ADARB1: variants seen among roughly 807,000 people sequenced by gnomAD.
ADARB1 encodes adenosine deaminase RNA specific B1.
A neutral mutation model predicts 52.4 loss-of-function variants in ADARB1; 10 were observed. The observed-to-expected ratio is 0.19, with a 90% CI of 0.12 to 0.32. ADARB1 has a LOEUF of 0.32. ADARB1 is among the 10% of genes least tolerant of loss of function. The pLI is 1.00. For synonymous variants in ADARB1, 349 were observed against 371.1 expected, an observed-to-expected ratio of 0.94 and a Z score of 0.68; for missense variants, 643 against 922.3, an observed-to-expected ratio of 0.70 and a Z score of 3.92.
intron 7 of ADARB1, 138 bp downstream of exon 7, chr21:45,183,648 A>G (rs532448647): frequency 9.8e-7 from 1 of 1,016,566 alleles, no homozygotes; most frequent in East Asian, 3.0e-5. Flanking sequence ...AGTCTCTATA[A>G]AAGCATGGAT....
intron 9 of ADARB1, among the ~76,000 whole-genome samples, chr21:45,212,898 G>A (rs1001796803): frequency 6.6e-6 from 1 of 152,214 alleles, no homozygotes; most frequent in Non-Finnish European, 1.5e-5. Context: ...AATCTTATTA[G>A]TATGTTATTT....
chr21:45,155,000 G>A (rs2090480961), intron 2 of ADARB1, among the ~76,000 whole-genome samples: 1 of 152,234 alleles, frequency 6.6e-6, no homozygotes, highest in Non-Finnish European at 1.5e-5. Flanking sequence ...CAAAGAGGCA[G>A]TCCTTCAGTC....
intron 9 of ADARB1, among the ~76,000 whole-genome samples, chr21:45,213,203 A>G (rs2092802849): frequency 1.3e-5 from 2 of 152,206 alleles, no homozygotes; most frequent in African/African-American, 4.8e-5. Context: ...TTAAAGCTTC[A>G]TATCTGATTC....
chr21:45,145,428 A>C (rs1348046497), intron 2 of ADARB1: 1 of 152,234 alleles, frequency 6.6e-6, no homozygotes, highest in Non-Finnish European at 1.5e-5. Context: ...CCTGGGCTGT[A>C]GGAGAGATCA....
chr21:45,162,542 G>C (rs2091027578), intron 2 of ADARB1, among the ~76,000 whole-genome samples: 1 of 152,176 alleles, frequency 6.6e-6, no homozygotes, highest in Non-Finnish European at 1.5e-5. Context: ...CAGTGATGGA[G>C]GTTTCTGGCC....
At chr21:45,218,256 A>C (rs1489691334) in intron 9 of ADARB1, among the ~76,000 whole-genome samples, 2 of 151,510 alleles carry the variant, frequency 1.3e-5, no homozygotes, top group Non-Finnish European at 2.9e-5. Flanking sequence ...TTTGTGTTTC[A>C]TTTTTGGTAG....
At chr21:45,131,760 C>A (rs1344564248) in intron 2 of ADARB1, among the ~76,000 whole-genome samples, 1 of 152,248 alleles carries the variant, frequency 6.6e-6, no homozygotes, top group East Asian at 1.9e-4. Flanking sequence ...TCTTTAGGGG[C>A]TGGCACTTTT....
chr21:45,108,396 A>G lies in ADARB1; in HGVS notation c.-219-20006A>G, dbSNP rs1033355862. 7.9e-5 allele frequency among the ~76,000 whole-genome samples: 12 copies of G among 152,358 alleles called. No homozygotes were observed. The East Asian group carries it at 1.9e-3, about 24-fold the overall frequency. ...GAAATGGTGTATTAAATAAAGGTGAAGAGGCAGTTGCCTTTTCAGCTTAAA... is the reference window on the plus strand; with the variant it reads ...GAAATGGTGTATTAAATAAAGGTGAGGAGGCAGTTGCCTTTTCAGCTTAAA... On this transcript the variant is annotated intron_variant, in intron 1 of 10. Transcript: ENST00000348831.
chr21:45,132,939 G>C (rs1363255561), intron 2 of ADARB1, among the ~76,000 whole-genome samples: 1 of 152,182 alleles, frequency 6.6e-6, no homozygotes, highest in Non-Finnish European at 1.5e-5. Context: ...CACCATAAAA[G>C]AAAATACCGA....
intron 9 of ADARB1, among the ~76,000 whole-genome samples, chr21:45,210,031 C>T (rs2092736299): frequency 6.6e-6 from 1 of 152,218 alleles, no homozygotes; most frequent in Non-Finnish European, 1.5e-5. Context: ...TCCCCGGGAG[C>T]TCATGCCTGG....
In ADARB1 at chr21:45,117,601, C is replaced by T. The variant is rs183862521; in HGVS notation, c.-219-10801C>T. ...AAAAAAAAAAAGCTTCTTTAAAATTCTGACTTTATATAACTAACGCAATGC... is the reference window on the plus strand; with the variant it reads ...AAAAAAAAAAAGCTTCTTTAAAATTTTGACTTTATATAACTAACGCAATGC... On this transcript the variant is annotated intron_variant, in intron 1 of 10. Coordinates refer to ENST00000348831, the MANE Select transcript of ADARB1 (RefSeq NM_001112.4). Among the ~76,000 whole-genome samples the T allele has an allele frequency of 4.0e-3, 609 of 151,560 alleles. 3 individuals are homozygous for T. The highest frequency in any genetic ancestry group is 0.014 in the African/African-American group (566 of 41,332).
chr21:45,133,671 T>C (rs1199289011), intron 2 of ADARB1: 1 of 283,576 alleles, frequency 3.5e-6, no homozygotes, highest in Non-Finnish European at 6.9e-6. Context: ...GACAGGTGTG[T>C]ACCTGAAAGA....
chr21:45,187,407 T>C (rs918338969), intron 8 of ADARB1, among the ~76,000 whole-genome samples: 2 of 152,234 alleles, frequency 1.3e-5, no homozygotes, highest in Non-Finnish European at 2.9e-5. Context: ...TAAACAGTTT[T>C]ATGGAATCTT....
chr21:45,155,390 C>G (rs2090503217), intron 2 of ADARB1, among the ~76,000 whole-genome samples: 1 of 152,104 alleles, frequency 6.6e-6, no homozygotes, highest in Non-Finnish European at 1.5e-5. Context: ...TTCTCTGGTG[C>G]CAGCCATGAC....
intron 1 of ADARB1, among the ~76,000 whole-genome samples, chr21:45,108,238 C>A (rs2087347972): frequency 6.6e-6 from 1 of 152,218 alleles, no homozygotes; most frequent in Non-Finnish European, 1.5e-5. Flanking sequence ...CACATATGCA[C>A]ATATACACGT....
chr21:45,118,453 A>T (rs1367726347), intron 1 of ADARB1: 2 of 152,256 alleles, frequency 1.3e-5, no homozygotes, highest in African/African-American at 4.8e-5. Flanking sequence ...GTAATGTTCA[A>T]ACATGCAATT....
At chr21:45,114,926 C>A (rs1486669960) in intron 1 of ADARB1, among the ~76,000 whole-genome samples, 1 of 152,214 alleles carries the variant, frequency 6.6e-6, no homozygotes, top group African/African-American at 2.4e-5. Context: ...TGTTCATAAT[C>A]CTGGTCATGG....
intron 9 of ADARB1, among the ~76,000 whole-genome samples, chr21:45,212,914 G>A (rs1013621728): frequency 2.6e-5 from 4 of 152,200 alleles, no homozygotes; most frequent in African/African-American, 4.8e-5. Context: ...TATTTAGTAA[G>A]TGCTGAAATC....
chr21:45,181,890 T>C (rs1028094847), intron 5 of ADARB1, among the ~76,000 whole-genome samples: 5 of 152,304 alleles, frequency 3.3e-5, no homozygotes, highest in African/African-American at 1.2e-4. Flanking sequence ...GTGAGGACAA[T>C]TTACCTAACA....
Sources: gnomAD v4.1 joint callset for allele counts (sites outside exome capture counted in the v4.1 genomes callset) on GRCh38, gnomAD v4.1.1 for gene constraint, MANE v1.5 for transcripts, NCBI Gene and HGNC (gene_info 2026-07-23, HGNC 2026-07-21) for gene names.